HIVEP2: variants seen among roughly 807,000 people sequenced by gnomAD.
HIVEP2 encodes HIVEP zinc finger 2.
A neutral mutation model predicts 180.7 loss-of-function variants in HIVEP2; 14 were observed. The ratio of observed to expected loss-of-function variants is 0.08; its 90% confidence interval spans 0.05 to 0.12. The LOEUF is 0.12. Among genes scored for constraint, HIVEP2 ranks in the 10% least tolerant of loss-of-function variants. The probability of loss-of-function intolerance (pLI) is 1.00; values close to 1 mark genes in which losing one functional copy is unlikely to be tolerated. For synonymous variants in HIVEP2, 1,184 were observed against 1,136.4 expected, an observed-to-expected ratio of 1.04 and a Z score of -0.84; for missense variants, 2,579 against 3,008.5, an observed-to-expected ratio of 0.86 and a Z score of 3.34.
intron 1 of HIVEP2, among the ~76,000 whole-genome samples, chr6:142,870,713 G>A (rs1215854502): frequency 3.3e-5 from 5 of 152,062 alleles, no homozygotes; most frequent in Non-Finnish European, 5.9e-5. Context: ...AATCATCCCT[G>A]TTCTACCAGC....
intron 1 of HIVEP2, among the ~76,000 whole-genome samples, chr6:142,892,488 T>A (rs1406941950): frequency 6.6e-6 from 1 of 152,210 alleles, no homozygotes; most frequent in Non-Finnish European, 1.5e-5. Context: ...TTATTTTTGC[T>A]GATGGCTAGT....
intron 4 of HIVEP2, among the ~76,000 whole-genome samples, chr6:142,775,902 A>T (rs1775686650): frequency 6.6e-6 from 1 of 151,110 alleles, no homozygotes; most frequent in Non-Finnish European, 1.5e-5. Context: ...ACATATAAGC[A>T]TACATATATG....
At position 142,769,849 on chromosome 6, in the gene HIVEP2, T is replaced by A. The variant is rs1375336488; in HGVS notation, c.4890A>T (p.Ala1630=). The A allele has an allele frequency of 1.9e-6, 3 of 1,614,168 alleles. No individual in the cohort carries two copies. Among genetic ancestry groups the A allele is most frequent in the African/African-American group, 1.3e-5 (1 of 75,060 alleles). Residue 1630 remains alanine, a synonymous_variant, in exon 5 of 10, where the codon GCA becomes GCT. Coordinates refer to ENST00000367603, the MANE Select transcript of HIVEP2 (RefSeq NM_006734.4). ...GGAACTGAAGAATCTGCTGGAAATC[T>A]GCCATGTCCGTGAGAAGAAGAGTTG... is the stretch of plus-strand genomic sequence containing the variant. The part of the protein sequence containing the change: ...ADSTLLLTDM[A]DFQQILQFPS...
intron 1 of HIVEP2, among the ~76,000 whole-genome samples, chr6:142,870,479 C>T (rs987627710): frequency 4.6e-5 from 7 of 152,272 alleles, no homozygotes; most frequent in South Asian, 4.1e-4. Context: ...CTTTCTCTGA[C>T]GTCCCATGAG....
intron 2 of HIVEP2, among the ~76,000 whole-genome samples, chr6:142,818,991 G>A (rs1355705836): frequency 1.5e-5 from 2 of 134,850 alleles, no homozygotes; most frequent in African/African-American, 2.7e-5. Flanking sequence ...ACAGAAGAAA[G>A]GAAAGGAGGG....
Position 142,783,509 on chromosome 6 carries a change from T to G in HIVEP2, c.-433+12A>C, listed in dbSNP as rs1251132655. On this transcript the variant is annotated intron_variant, in intron 3 of 9. Transcript: ENST00000367603. ...ACAAGAGAGTAAGAATAAATAAATTTTAGTTATTAACCTGTTATCCTCATA... is the reference window on the plus strand; with the variant it reads ...ACAAGAGAGTAAGAATAAATAAATTGTAGTTATTAACCTGTTATCCTCATA... The G allele has an allele frequency of 1.3e-5, 2 of 152,080 alleles. No homozygotes were observed. The highest frequency in any genetic ancestry group is 2.9e-5 in the Non-Finnish European group (2 of 68,008). 9.4% of individuals were successfully genotyped at this position (152,080 alleles called of 1,614,324 possible).
At chr6:142,826,778 T>C (rs1323861650) in intron 2 of HIVEP2, among the ~76,000 whole-genome samples, 1 of 152,192 alleles carries the variant, frequency 6.6e-6, no homozygotes, top group African/African-American at 2.4e-5. Context: ...AATACTCACC[T>C]CATAAATGTA....
intron 1 of HIVEP2, among the ~76,000 whole-genome samples, chr6:142,888,022 C>T (rs1776751783): frequency 6.6e-6 from 1 of 151,872 alleles, no homozygotes; most frequent in Non-Finnish European, 1.5e-5. Flanking sequence ...AAATTCATTC[C>T]CCTATGTCAC....
intron 2 of HIVEP2, among the ~76,000 whole-genome samples, chr6:142,830,732 C>T (rs760418811): frequency 4.6e-5 from 7 of 152,140 alleles, no homozygotes; most frequent in Non-Finnish European, 7.4e-5. Flanking sequence ...CATCACACTA[C>T]TAGACAAACC....
At chr6:142,797,805 C>A (rs1427832198) in intron 2 of HIVEP2, among the ~76,000 whole-genome samples, 1 of 151,774 alleles carries the variant, frequency 6.6e-6, no homozygotes, top group Admixed American at 6.6e-5. Context: ...GGTATGTATG[C>A]ACAGAAGAAA....
intron 1 of HIVEP2, among the ~76,000 whole-genome samples, chr6:142,933,213 A>G (rs1777981229): frequency 6.6e-6 from 1 of 152,182 alleles, no homozygotes; most frequent in Admixed American, 6.5e-5. Flanking sequence ...TGCCTGCCCC[A>G]CTCACTGCCT....
chr6:142,894,880 A>G (rs1181313707), intron 1 of HIVEP2, among the ~76,000 whole-genome samples: 1 of 152,218 alleles, frequency 6.6e-6, no homozygotes, highest in Non-Finnish European at 1.5e-5. Flanking sequence ...TATGCCAGAC[A>G]CTGTCCTCAG....
At chr6:142,783,297 C>T (rs1487090486) in intron 3 of HIVEP2, among the ~76,000 whole-genome samples, 3 of 121,050 alleles carry the variant, frequency 2.5e-5, no homozygotes, top group African/African-American at 9.3e-5. Context: ...CACTGCACTC[C>T]AGCCTAGCGA....
chr6:142,796,906 G>C (rs1197021354), intron 2 of HIVEP2, among the ~76,000 whole-genome samples: 2 of 152,098 alleles, frequency 1.3e-5, no homozygotes, highest in Non-Finnish European at 2.9e-5. Flanking sequence ...CAACAGGAGG[G>C]AACTACAGAA....
rs1775474285 is a variant in HIVEP2 at position 142,769,808 on chromosome 6, G to A, written c.4931C>T (p.Thr1644Ile). The change falls in exon 5 of 10, where the codon ACA (threonine) becomes ATA (isoleucine). Residue 1644 changes from threonine (T) to isoleucine (I), a missense_variant. Around this residue, in one of 11 missense-constraint regions of HIVEP2, gnomAD observed 349 missense variants for 367.2 expected, o/e 0.95. Transcript: ENST00000367603. Reference sequence around the variant, plus strand: ...CAAGAAGCACCAACTCACAGTAGTTGTTGTCCGCAGACTGGGGAACTGAAG... The same window carrying A: ...CAAGAAGCACCAACTCACAGTAGTTATTGTCCGCAGACTGGGGAACTGAAG... ...QILQFPSLRT[T>I]TTVSWCFLNY... is the part of the protein sequence containing the mutation. 4 of 1,614,112 alleles carry A rather than the reference G, an allele frequency of 2.5e-6. No individual in the cohort carries two copies. Among genetic ancestry groups the A allele is most frequent in the Non-Finnish European group, 3.4e-6 (4 of 1,180,046 alleles).
chr6:142,847,710 G>A (rs1410614119), intron 1 of HIVEP2, among the ~76,000 whole-genome samples: 1 of 152,150 alleles, frequency 6.6e-6, no homozygotes, highest in African/African-American at 2.4e-5. Context: ...ACTGGGATTT[G>A]TGCTGAACAT....
chr6:142,900,032 C>T (rs1459291510), intron 1 of HIVEP2, among the ~76,000 whole-genome samples: 5 of 152,166 alleles, frequency 3.3e-5, no homozygotes, highest in Non-Finnish European at 7.4e-5. Context: ...AAGGTCTAAA[C>T]CTTAATATAA....
intron 2 of HIVEP2, among the ~76,000 whole-genome samples, chr6:142,834,177 C>T (rs1775165380): frequency 6.6e-6 from 1 of 151,940 alleles, no homozygotes; most frequent in African/African-American, 2.4e-5. Flanking sequence ...TTTCATTTTC[C>T]TAATTGGTAT....
chr6:142,856,573 GAAATCAAGCTTCACA>G (rs1775826911), intron 1 of HIVEP2, among the ~76,000 whole-genome samples: 1 of 152,248 alleles, frequency 6.6e-6, no homozygotes, highest in African/African-American at 2.4e-5. Flanking sequence ...ATCAAGCACT[GAAATCAAGCTTCACA>G]AAAGAGAAGC....
Sources: allele counts gnomAD v4.1 joint callset (sites outside exome capture counted in the v4.1 genomes callset), GRCh38; gene constraint gnomAD v4.1.1; regional missense constraint gnomAD v4.1.1; transcripts MANE v1.5; gene names NCBI Gene and HGNC (gene_info 2026-07-23, HGNC 2026-07-21).